Variants in TTLL5 observed in about 807,000 individuals in gnomAD.
TTLL5 encodes tubulin tyrosine ligase like 5, also known as tubulin polyglutamylase TTLL5.
In TTLL5, 132 loss-of-function variants were observed where a neutral mutation model predicts 168.4. The observed-to-expected ratio is 0.78, with a 90% confidence interval of 0.68 to 0.91. TTLL5 has a LOEUF of 0.91. TTLL5 is among the 40% of genes least tolerant of loss of function. The pLI, the probability that TTLL5 is intolerant of heterozygous loss-of-function variation, is 0.00. For missense variants in TTLL5, 1,545 were observed against 1,581.5 expected, an observed-to-expected ratio of 0.98 and a Z score of 0.39; for synonymous variants, 546 against 558.6, an observed-to-expected ratio of 0.98 and a Z score of 0.32.
intron 28 of TTLL5, among the ~76,000 whole-genome samples, chr14:75,834,761 C>A (rs905965496): frequency 1.3e-5 from 2 of 152,122 alleles, no homozygotes; most frequent in African/African-American, 2.4e-5. Context: ...AGCATGCTTA[C>A]CATCATTAGA....
intron 26 of TTLL5, among the ~76,000 whole-genome samples, chr14:75,791,739 G>A (rs575731587): frequency 1.7e-3 from 264 of 152,058 alleles, no homozygotes; most frequent in Non-Finnish European, 2.8e-3. Context: ...TATAGTAAAC[G>A]TGAAAAAGTT....
At chr14:75,741,526 CTT>C (rs757442784) in intron 15 of TTLL5, among the ~76,000 whole-genome samples, 63 of 137,018 alleles carry the variant, frequency 4.6e-4, no homozygotes, top group Admixed American at 5.1e-4. Context: ...AGTCTGATTC[CTT>C]TTTTTTTTTT....
At position 75,882,670 on chromosome 14, in the gene TTLL5, C is replaced by CTTTTTTTT; in HGVS notation, c.3523-12_3523-5dup. The CTTTTTTTT allele has an allele frequency of 8.0e-7, 1 of 1,254,032 alleles. No individual in the cohort carries two copies. The highest frequency in any genetic ancestry group is 1.1e-6 in the Non-Finnish European group (1 of 910,216). 77.7% of individuals were successfully genotyped at this position (1,254,032 alleles called of 1,614,324 possible). A position where few individuals can be genotyped will look rare whatever the true frequency, so the allele number is the denominator to read the frequency against. ...GTGATGTCCATCGATCATTTTTTTC[C>CTTTTTTTT]TTTTTTTTTTGTAGGCAATCTTTGG... On this transcript the variant is annotated splice_polypyrimidine_tract_variant and intron_variant, in intron 29 of 31. Transcript: ENST00000298832.
intron 12 of TTLL5, among the ~76,000 whole-genome samples, chr14:75,723,784 T>C (rs1887997609): frequency 6.6e-6 from 1 of 152,160 alleles, no homozygotes; most frequent in Admixed American, 6.5e-5. Context: ...TCCTCCCTAC[T>C]TGTGTTCAGT....
At chr14:75,860,700 C>T (rs1052782404) in intron 28 of TTLL5, among the ~76,000 whole-genome samples, 8 of 152,120 alleles carry the variant, frequency 5.3e-5, no homozygotes, top group Admixed American at 5.2e-4. Flanking sequence ...TGGATCAGCC[C>T]ACTCCTGCCT....
chr14:75,856,721 G>C (rs1166165235), intron 28 of TTLL5, among the ~76,000 whole-genome samples: 1 of 151,160 alleles, frequency 6.6e-6, no homozygotes, highest in Non-Finnish European at 1.5e-5. Flanking sequence ...CTGCCTCCCG[G>C]GTTCAAGTGA....
chr14:75,894,583 A>G (rs974548626), intron 30 of TTLL5, among the ~76,000 whole-genome samples: 1 of 152,152 alleles, frequency 6.6e-6, no homozygotes, highest in African/African-American at 2.4e-5. Flanking sequence ...AGGATGATAA[A>G]TAGAAAACAA....
chr14:75,666,690 A>G (rs1423666450), intron 2 of TTLL5, among the ~76,000 whole-genome samples: 1 of 152,140 alleles, frequency 6.6e-6, no homozygotes, highest in Non-Finnish European at 1.5e-5. Context: ...GAAGTGGGGA[A>G]GGCATTTCTA....
At chr14:75,801,639 A>G (rs371772294) in intron 27 of TTLL5, among the ~76,000 whole-genome samples, 2 of 152,236 alleles carry the variant, frequency 1.3e-5, no homozygotes, top group Admixed American at 6.5e-5. Context: ...GCAAAGCTCA[A>G]TTATAGGTTA....
At chr14:75,949,137 ATAG>A (rs1190302438) in intron 31 of TTLL5, among the ~76,000 whole-genome samples, 1 of 152,036 alleles carries the variant, frequency 6.6e-6, no homozygotes, top group Non-Finnish European at 1.5e-5. Flanking sequence ...GAACGTTCAA[ATAG>A]ACTATTGGCT....
intron 3 of TTLL5, among the ~76,000 whole-genome samples, chr14:75,671,723 G>A (rs903298768): frequency 2.0e-4 from 31 of 152,130 alleles, no homozygotes; most frequent in Middle Eastern, 3.4e-3. Flanking sequence ...CCTGAGTTCT[G>A]TATATTGATC....
intron 17 of TTLL5, among the ~76,000 whole-genome samples, chr14:75,749,142 T>C (rs927617077): frequency 5.9e-5 from 9 of 152,126 alleles, no homozygotes; most frequent in Admixed American, 2.0e-4. Flanking sequence ...ATTATATATA[T>C]ATGTATATCT....
chr14:75,924,719 A>G (rs879873977), intron 31 of TTLL5, among the ~76,000 whole-genome samples: 17 of 151,902 alleles, frequency 1.1e-4, no homozygotes, highest in Admixed American at 5.9e-4. Context: ...CGACCTCTCA[A>G]TCTTTTCCCC....
At chr14:75,850,660 A>G (rs958444788) in intron 28 of TTLL5, among the ~76,000 whole-genome samples, 1 of 152,190 alleles carries the variant, frequency 6.6e-6, no homozygotes, top group Non-Finnish European at 1.5e-5. Context: ...ACCTGGGATG[A>G]CAGGCAGGAT....
In TTLL5 at chr14:75,756,771, G is replaced by C. The variant is rs575148129; in HGVS notation, c.1550+3816G>C. The stretch of plus-strand genomic sequence containing the variant: ...AATCCACCTACCTCGACCTCCCAAA[G>C]TGCTAGAATTACAGGCATGAGCCAC... On this transcript the variant is annotated intron_variant, in intron 18 of 31. Coordinates refer to ENST00000298832, the MANE Select transcript of TTLL5 (RefSeq NM_015072.5). Among the ~76,000 whole-genome samples, 322 of 152,224 alleles carry C rather than the reference G, an allele frequency of 2.1e-3. 2 individuals carry two copies. Among genetic ancestry groups the C allele is most frequent in the African/African-American group, 7.4e-3 (308 of 41,534 alleles).
Position 75,783,189 on chromosome 14 carries a change from G to A in TTLL5, c.2645G>A (p.Ser882Asn), listed in dbSNP as rs367796950. The A allele has an allele frequency of 5.6e-6, 9 of 1,613,242 alleles. No individual in the cohort carries two copies. Among genetic ancestry groups the A allele is most frequent in the Non-Finnish European group, 7.6e-6 (9 of 1,179,984 alleles). The change falls in exon 26 of 32, where the codon AGC becomes AAC. Residue 882 changes from serine (S) to asparagine (N), a missense_variant. Physicochemically the swap from Ser to Asn is conservative, Grantham distance 46 (BLOSUM62 1). Coordinates refer to ENST00000298832, the MANE Select transcript of TTLL5 (RefSeq NM_015072.5). Reference sequence around the variant, plus strand: ...GAAAAAGAGGCAAAATTAGTTTATAGCAATTCCTCCTCTGGTCCTACTGCT... The same window carrying A: ...GAAAAAGAGGCAAAATTAGTTTATAACAATTCCTCCTCTGGTCCTACTGCT... ...SAEKEAKLVYSNSSSGPTATL... is the reference protein window; with the variant it reads ...SAEKEAKLVYNNSSSGPTATL...
At chr14:75,954,283 C>A in intron 31 of TTLL5, 141 bp from the exon 32 acceptor site, 1 of 696,260 alleles carries the variant, frequency 1.4e-6, no homozygotes, top group Non-Finnish European at 2.4e-6. Flanking sequence ...AAAGAGCTTT[C>A]CACTTAGAGG....
chr14:75,765,945 G>T, intron 19 of TTLL5, 117 bp from the exon 20 acceptor site: 1 of 761,974 alleles, frequency 1.3e-6, no homozygotes, highest in Non-Finnish European at 2.1e-6. Flanking sequence ...TTAATTCTGT[G>T]CCTTGTTTGT....
rs558886966 is a variant in TTLL5, at chr14:75,682,968, T to C, written c.265-582T>C. 5.3e-5 allele frequency among the ~76,000 whole-genome samples: 8 copies of C among 152,150 alleles called. No homozygotes were observed. In the South Asian group the frequency reaches 1.7e-3, roughly 32 times the overall value. On this transcript the variant is annotated intron_variant, in intron 4 of 31. Transcript: ENST00000298832. ...AAATTTTTTTTATAGAGACAGGGTC[T>C]TAATATGTTGCTAGGATAGTCTCAA...
Sources: allele counts gnomAD v4.1 joint callset (sites outside exome capture counted in the v4.1 genomes callset), GRCh38; gene constraint gnomAD v4.1.1; transcripts MANE v1.5; gene names NCBI Gene and HGNC (gene_info 2026-07-23, HGNC 2026-07-21).